The following ARHGAP22 variants were observed in gnomAD, a reference collection of about 807,000 sequenced individuals.
The protein encoded by ARHGAP22 is rho GTPase-activating protein 22.
In ARHGAP22, 48 loss-of-function variants were observed where a neutral mutation model predicts 59.1. The observed-to-expected ratio is 0.81, with a 90% CI of 0.64 to 1.03. The LOEUF (loss-of-function observed/expected upper bound fraction) is 1.03, where lower values mean the gene tolerates loss of function less well. Among genes scored for constraint, ARHGAP22 ranks in the 50% least tolerant of loss-of-function variants. The pLI is 0.00. For synonymous variants in ARHGAP22, 445 were observed against 416.4 expected, an observed-to-expected ratio of 1.07 and a Z score of -0.84; for missense variants, 1,015 against 958.7, an observed-to-expected ratio of 1.06 and a Z score of -0.78.
intron 1 of ARHGAP22, among the ~76,000 whole-genome samples, chr10:48,644,036 A>C (rs952587341): frequency 6.6e-5 from 10 of 152,190 alleles, no homozygotes; most frequent in Admixed American, 5.2e-4. Flanking sequence ...AATCCCAGCT[A>C]CGTGGGAGGC....
chr10:48,547,563 A>G (rs538417987), intron 3 of ARHGAP22, among the ~76,000 whole-genome samples: 5 of 152,344 alleles, frequency 3.3e-5, no homozygotes, highest in African/African-American at 1.2e-4. Context: ...CCCAAAGCAG[A>G]CAGGTGCTCC....
intron 3 of ARHGAP22, among the ~76,000 whole-genome samples, chr10:48,548,558 A>G (rs918153732): frequency 6.6e-6 from 1 of 152,122 alleles, no homozygotes; most frequent in Non-Finnish European, 1.5e-5. Context: ...TTTTTTGGGG[A>G]CAGGCCTGCT....
chr10:48,458,369 A>G (rs1377551567), intron 5 of ARHGAP22, among the ~76,000 whole-genome samples: 2 of 152,090 alleles, frequency 1.3e-5, no homozygotes, highest in Non-Finnish European at 2.9e-5. Flanking sequence ...GGGCTTCAGC[A>G]GGCAGGCCAG....
At chr10:48,456,347 A>T (rs1360249568) in intron 5 of ARHGAP22, among the ~76,000 whole-genome samples, 1 of 152,106 alleles carries the variant, frequency 6.6e-6, no homozygotes, top group Non-Finnish European at 1.5e-5. Context: ...AAATCCATAT[A>T]CCTGGGGCCC....
At chr10:48,547,144 A>G (rs2056510814) in intron 3 of ARHGAP22, among the ~76,000 whole-genome samples, 1 of 152,182 alleles carries the variant, frequency 6.6e-6, no homozygotes, top group South Asian at 2.1e-4. Flanking sequence ...AAACAGGAAG[A>G]TGGCTCCCAG....
rs371786363 is a variant in ARHGAP22 at position 48,479,619 on chromosome 10, C to G, written c.451+17G>C. Reference sequence around the variant, plus strand: ...GCAAGGGTTCTAGAGGGTGGGCATGCGATCTACGGGCAGTACCTCCGCCCA... The same window carrying G: ...GCAAGGGTTCTAGAGGGTGGGCATGGGATCTACGGGCAGTACCTCCGCCCA... On this transcript the variant is annotated intron_variant, in intron 4 of 9. Coordinates refer to ENST00000249601, the MANE Select transcript of ARHGAP22 (RefSeq NM_021226.4). 1.2e-6 allele frequency: 2 copies of G among 1,613,784 alleles called. No homozygotes were observed. Among genetic ancestry groups the G allele is most frequent in the Non-Finnish European group, 1.7e-6 (2 of 1,179,944 alleles).
intron 3 of ARHGAP22, among the ~76,000 whole-genome samples, chr10:48,524,667 G>A (rs1248500722): frequency 1.3e-5 from 2 of 152,172 alleles, no homozygotes; most frequent in Admixed American, 1.3e-4. Context: ...GGACCACCGA[G>A]CTCTCAGTTT....
Position 48,453,683 on chromosome 10 carries a change from T to C in ARHGAP22, c.867-258A>G, listed in dbSNP as rs73293567. On this transcript the variant is annotated intron_variant, in intron 7 of 9. Transcript: ENST00000249601. ...AAGGAGGACAAGACTCTGCAAATTG[T>C]AGTGGGCACAAATTCTGGGAAGTCC... 1.4e-3 allele frequency among the ~76,000 whole-genome samples: 206 copies of C among 152,308 alleles called. 1 individual carries two copies. The highest frequency in any genetic ancestry group is 4.7e-3 in the African/African-American group (196 of 41,562).
At chr10:48,569,670 T>C (rs899120467) in intron 2 of ARHGAP22, among the ~76,000 whole-genome samples, 2 of 152,222 alleles carry the variant, frequency 1.3e-5, no homozygotes, top group Admixed American at 1.3e-4. Flanking sequence ...TGCTGTAAAC[T>C]AATATCCATG....
chr10:48,568,911 C>G (rs906059773), intron 2 of ARHGAP22, among the ~76,000 whole-genome samples: 1 of 152,342 alleles, frequency 6.6e-6, no homozygotes, highest in African/African-American at 2.4e-5. Flanking sequence ...TCTCTGCCCA[C>G]GAAGAACAGA....
intron 3 of ARHGAP22, among the ~76,000 whole-genome samples, chr10:48,495,823 T>A (rs4838412): frequency 0.26 from 40,079 of 152,180 alleles, 5,436 homozygotes; most frequent in South Asian, 0.36. Context: ...GCTGGCTGTG[T>A]TGAGGCAGGC....
chr10:48,654,821 T>C (rs143131728), upstream of ARHGAP22, among the ~76,000 whole-genome samples: 1,610 of 51,622 alleles, frequency 0.031, 15 homozygotes, highest in Non-Finnish European at 0.037. Flanking sequence ...TTTCTTTCTT[T>C]CTTTCTTCCT....
intron 1 of ARHGAP22, among the ~76,000 whole-genome samples, chr10:48,620,562 G>A (rs1193203656): frequency 6.6e-6 from 1 of 152,126 alleles, no homozygotes; most frequent in Non-Finnish European, 1.5e-5. Context: ...ATCATTCCTT[G>A]CCTAAACTAT....
chr10:48,586,044 C>G (rs1040720849), intron 1 of ARHGAP22, among the ~76,000 whole-genome samples: 5 of 152,126 alleles, frequency 3.3e-5, no homozygotes, highest in Non-Finnish European at 1.5e-5. Context: ...TTTCCCTCCT[C>G]TCTGTGGGGT....
chr10:48,465,676 T>G (rs537178866), intron 4 of ARHGAP22, among the ~76,000 whole-genome samples: 2 of 152,220 alleles, frequency 1.3e-5, no homozygotes, highest in African/African-American at 4.8e-5. Flanking sequence ...GCAGCAGGTC[T>G]GCTTCAGTCA....
At position 48,447,115 on chromosome 10, in the gene ARHGAP22, G is replaced by A. The variant is rs545397588; in HGVS notation, c.1869-496C>T. On this transcript the variant is annotated intron_variant, in intron 9 of 9. Transcript: ENST00000249601. Reference sequence around the variant, plus strand: ...TAGTCACTTCCCTTCCTGCTCTCCCGTCATGTTCAGCTCAAGCGCCCCCTC... The same window carrying A: ...TAGTCACTTCCCTTCCTGCTCTCCCATCATGTTCAGCTCAAGCGCCCCCTC... Among the ~76,000 whole-genome samples the A allele has an allele frequency of 2.4e-4, 36 of 152,268 alleles. 1 individual carries two copies. Among genetic ancestry groups the A allele is most frequent in the South Asian group, 1.2e-3 (6 of 4,818 alleles).
chr10:48,493,504 G>A lies in ARHGAP22; in HGVS notation c.323-13740C>T, dbSNP rs976199011. Reference sequence around the variant, plus strand: ...CCAGAAGGGCATGGTGTGGAGCAGCGGGGGCTGCAGTGAGAGGAGCAGTGG... The same window carrying A: ...CCAGAAGGGCATGGTGTGGAGCAGCAGGGGCTGCAGTGAGAGGAGCAGTGG... On this transcript the variant is annotated intron_variant, in intron 3 of 9. Transcript: ENST00000249601. The A allele has an allele frequency of 1.2e-5, 18 of 1,535,456 alleles. No individual in the cohort carries two copies. The African/African-American group carries it at 1.5e-4, about 13-fold the overall frequency.
downstream of ARHGAP22, chr10:48,445,344 G>A (rs1412841258): frequency 2.6e-5 from 4 of 152,410 alleles, no homozygotes; most frequent in East Asian, 7.7e-4. Context: ...CACACATCAG[G>A]ACACCGTGAG....
chr10:48,580,933 T>TAAAA (rs3076348), intron 2 of ARHGAP22, among the ~76,000 whole-genome samples: 1 of 147,778 alleles, frequency 6.8e-6, no homozygotes. Flanking sequence ...CAATCTAAAG[T>TAAAA]AAAAAAAAAA....
Sources: gnomAD v4.1 joint callset for allele counts (sites outside exome capture counted in the v4.1 genomes callset) on GRCh38, gnomAD v4.1.1 for gene constraint, MANE v1.5 for transcripts, NCBI Gene and HGNC (gene_info 2026-07-23, HGNC 2026-07-21) for gene names.